The following PTPN9 variants were observed in gnomAD, a reference collection of about 807,000 sequenced individuals.
PTPN9 encodes tyrosine-protein phosphatase non-receptor type 9.
A neutral mutation model predicts 69.8 loss-of-function variants in PTPN9; 26 were observed. The ratio of observed to expected loss-of-function variants is 0.37; its 90% CI spans 0.27 to 0.52. The LOEUF is 0.52. Ranked by LOEUF, PTPN9 falls within the 20% of genes least tolerant of loss-of-function variation. The pLI is 0.91. For synonymous variants in PTPN9, 274 were observed against 272.5 expected (o/e 1.01, Z -0.05); for missense variants, 549 against 740.3 (o/e 0.74, Z 3.00).
At chr15:75,550,489 T>TA (rs914656178) in intron 1 of PTPN9, among the ~76,000 whole-genome samples, 4 of 144,502 alleles carry the variant, frequency 2.8e-5, no homozygotes, top group African/African-American at 7.5e-5. Flanking sequence ...TTAAAGGACA[T>TA]AAAAAATAAA....
At chr15:75,486,015 G>A (rs2074674177) in intron 8 of PTPN9, among the ~76,000 whole-genome samples, 1 of 149,172 alleles carries the variant, frequency 6.7e-6, no homozygotes, top group Non-Finnish European at 1.5e-5. Context: ...CAGGAGAATG[G>A]CACGAACCCG....
intron 7 of PTPN9, among the ~76,000 whole-genome samples, chr15:75,496,280 T>TA (rs748668415): frequency 1.3e-3 from 186 of 138,550 alleles, no homozygotes; most frequent in East Asian, 3.7e-3. Context: ...TTCTAAAAAT[T>TA]AAAAAAAAAA....
intron 9 of PTPN9, among the ~76,000 whole-genome samples, chr15:75,477,467 T>A (rs1294975812): frequency 6.6e-6 from 1 of 152,078 alleles, no homozygotes; most frequent in East Asian, 1.9e-4. Flanking sequence ...TGGTGGCAGG[T>A]GCCTGTAATC....
chr15:75,479,700 A>G (rs2074617132), intron 9 of PTPN9, 148 bp downstream of exon 9: 1 of 629,570 alleles, frequency 1.6e-6, no homozygotes, highest in African/African-American at 1.9e-5. Context: ...GCTTTTCTCA[A>G]CCACCACCCA....
At chr15:75,574,417 T>C (rs747258361) in intron 1 of PTPN9, among the ~76,000 whole-genome samples, 72 of 152,054 alleles carry the variant, frequency 4.7e-4, no homozygotes, top group Non-Finnish European at 1.0e-3. Flanking sequence ...TTCTGGAATA[T>C]GGATGGACCA....
intron 7 of PTPN9, among the ~76,000 whole-genome samples, chr15:75,504,742 C>G (rs2074806470): frequency 6.8e-6 from 1 of 147,980 alleles, no homozygotes; most frequent in African/African-American, 2.5e-5. Context: ...CCGGCCGCCC[C>G]TACTGGGAAG....
At chr15:75,543,398 G>A (rs1307476828) in intron 1 of PTPN9, among the ~76,000 whole-genome samples, 2 of 152,164 alleles carry the variant, frequency 1.3e-5, no homozygotes, top group Admixed American at 1.3e-4. Context: ...TCACAGAGCC[G>A]AAGCAAACTG....
At chr15:75,560,482 ACATTT>A (rs1158101799) in intron 1 of PTPN9, among the ~76,000 whole-genome samples, 18 of 152,312 alleles carry the variant, frequency 1.2e-4, no homozygotes, top group African/African-American at 3.6e-4. Context: ...CTCATATATT[ACATTT>A]AAGTCTTCAG....
chr15:75,503,116 G>GCC (rs1186973679), intron 7 of PTPN9, among the ~76,000 whole-genome samples: 1 of 150,936 alleles, frequency 6.6e-6, no homozygotes, highest in Non-Finnish European at 1.5e-5. Context: ...GACGTGAGGA[G>GCC]CCCCTCTGCC....
At chr15:75,524,693 G>A (rs546035707) in intron 2 of PTPN9, among the ~76,000 whole-genome samples, 19 of 137,600 alleles carry the variant, frequency 1.4e-4, no homozygotes, top group Non-Finnish European at 2.3e-4. Flanking sequence ...CAGGAGAATC[G>A]CTTGAACCCA....
chr15:75,496,708 T>C (rs2074744475), intron 7 of PTPN9, among the ~76,000 whole-genome samples: 1 of 152,034 alleles, frequency 6.6e-6, no homozygotes, highest in African/African-American at 2.4e-5. Flanking sequence ...TGTCTCTACA[T>C]GTTGCTCAGG....
intron 12 of PTPN9, 74 bp downstream of exon 12, chr15:75,469,718 G>C: frequency 4.7e-6 from 7 of 1,494,940 alleles, no homozygotes; most frequent in Non-Finnish European, 5.6e-6. Flanking sequence ...CACAGATGTG[G>C]GCTAAGAGCT....
intron 7 of PTPN9, among the ~76,000 whole-genome samples, chr15:75,495,487 C>CAG (rs1273677881): frequency 2.0e-5 from 3 of 151,998 alleles, no homozygotes; most frequent in Non-Finnish European, 4.4e-5. Context: ...CCAAGGTGGG[C>CAG]AGATCACTTG....
intron 4 of PTPN9, 99 bp downstream of exon 4, chr15:75,523,022 C>T (rs2074911919): frequency 7.1e-7 from 1 of 1,413,506 alleles, no homozygotes; most frequent in African/African-American, 1.4e-5. Context: ...AGGGCACATC[C>T]TAGGAGAATG....
At chr15:75,495,148 A>C (rs905246143) in intron 7 of PTPN9, among the ~76,000 whole-genome samples, 1 of 152,202 alleles carries the variant, frequency 6.6e-6, no homozygotes, top group African/African-American at 2.4e-5. Flanking sequence ...TCTAACCTAG[A>C]GTTCTATACT....
At chr15:75,483,108 G>A (rs2074653727) in intron 8 of PTPN9, among the ~76,000 whole-genome samples, 1 of 152,186 alleles carries the variant, frequency 6.6e-6, no homozygotes, top group African/African-American at 2.4e-5. Context: ...TCATACATGT[G>A]TAAACCCTCC....
chr15:75,521,312 C>T (rs1442556686), intron 4 of PTPN9, among the ~76,000 whole-genome samples: 1 of 146,514 alleles, frequency 6.8e-6, no homozygotes, highest in South Asian at 2.1e-4. Flanking sequence ...AAAAAACGGG[C>T]GTGGTGGCAG....
chr15:75,530,426 T>TA, intron 1 of PTPN9, among the ~76,000 whole-genome samples: 1 of 105,130 alleles, frequency 9.5e-6, no homozygotes, highest in Admixed American at 1.6e-4. Context: ...ATATATTATA[T>TA]TATAATATAT....
At chr15:75,520,070 T>G (rs2074894520) in intron 4 of PTPN9, among the ~76,000 whole-genome samples, 1 of 152,136 alleles carries the variant, frequency 6.6e-6, no homozygotes, top group Non-Finnish European at 1.5e-5. Flanking sequence ...TTGAGGCTGC[T>G]GTGAGTTATG....
Sources: gnomAD v4.1 joint callset for allele counts (sites outside exome capture counted in the v4.1 genomes callset) on GRCh38, gnomAD v4.1.1 for gene constraint, MANE v1.5 for transcripts, NCBI Gene and HGNC (gene_info 2026-07-23, HGNC 2026-07-21) for gene names.